Variants in VWF observed in about 807,000 individuals in gnomAD.
VWF encodes Factor VIII related antigen.
VWF carries 176 observed loss-of-function variants against 308.6 expected under a neutral mutation model. The observed-to-expected ratio is 0.57, with a 90% CI of 0.50 to 0.65. VWF has a LOEUF of 0.65. Ranked by LOEUF, VWF falls within the 30% of genes least tolerant of loss-of-function variation. The probability of loss-of-function intolerance (pLI) is 0.00; values close to 1 mark genes in which losing one functional copy is unlikely to be tolerated. For synonymous variants in VWF, 1,385 were observed against 1,443.4 expected (o/e 0.96, Z 0.92); for missense variants, 3,146 against 3,648.2 (o/e 0.86, Z 3.55).
At chr12:6,089,144 CT>C (rs1419941908) in intron 6 of VWF, among the ~76,000 whole-genome samples, 1 of 152,178 alleles carries the variant, frequency 6.6e-6, no homozygotes, top group Non-Finnish European at 1.5e-5. Flanking sequence ...CCAGACCGGA[CT>C]TCTGAACCTG....
At position 6,009,692 on chromosome 12, in the gene VWF, C is replaced by G. The variant is rs536910701; in HGVS notation, c.5842+1925G>C. Among the ~76,000 whole-genome samples, 4 of 152,310 alleles carry G rather than the reference C, an allele frequency of 2.6e-5. No individual in the cohort carries two copies. In the South Asian group the frequency reaches 8.3e-4, roughly 32 times the overall value. ...TTATACACTTCCACATTCACTGCAA[C>G]ATTATTCACAATAGCCAAGAGTTAG... On this transcript the variant is annotated intron_variant, in intron 34 of 51. Transcript: ENST00000261405.
intron 47 of VWF, among the ~76,000 whole-genome samples, chr12:5,957,208 C>G (rs1943261500): frequency 6.6e-6 from 1 of 152,186 alleles, no homozygotes; most frequent in Non-Finnish European, 1.5e-5. Flanking sequence ...ACCATACCAT[C>G]TGGATTTGCG....
chr12:6,101,036 GATA>G (rs1174515073), intron 5 of VWF, among the ~76,000 whole-genome samples: 1 of 152,000 alleles, frequency 6.6e-6, no homozygotes, highest in Admixed American at 6.6e-5. Context: ...AAAAGAACAA[GATA>G]ATAAGAAAAA....
At chr12:6,107,003 A>G (rs1945252696) in intron 5 of VWF, among the ~76,000 whole-genome samples, 1 of 152,172 alleles carries the variant, frequency 6.6e-6, no homozygotes, top group Non-Finnish European at 1.5e-5. Context: ...ATAATTTTCC[A>G]TAATTGGAAA....
chr12:6,001,019 G>A (rs1259157159), intron 34 of VWF, among the ~76,000 whole-genome samples: 1 of 152,082 alleles, frequency 6.6e-6, no homozygotes, highest in East Asian at 1.9e-4. Context: ...TGGGAGGAGA[G>A]GGGAGGGAAC....
At position 6,013,635 on chromosome 12, in the gene VWF, C is replaced by G; in HGVS notation, c.5466G>C (p.Val1822=). 1.2e-6 allele frequency: 2 copies of G among 1,613,112 alleles called. No individual in the cohort carries two copies. Among genetic ancestry groups the G allele is most frequent in the Non-Finnish European group, 1.7e-6 (2 of 1,179,862 alleles). ...ADAARSNRVT[V]FPIGIGDRYD... is the part of the protein sequence containing the mutation. Reference sequence around the variant, plus strand: ...AGCGATCTCCAATTCCAATAGGGAACACTGTCACTCCTAGAGTTAGCAAAG... The same window carrying G: ...AGCGATCTCCAATTCCAATAGGGAAGACTGTCACTCCTAGAGTTAGCAAAG... Residue 1822 remains valine (V), a synonymous_variant, in exon 32 of 52, where the codon GTG becomes GTC. Transcript: ENST00000261405.
In VWF at chr12:5,953,608, G is replaced by T; in HGVS notation, c.7888-14C>A. On this transcript the variant is annotated splice_polypyrimidine_tract_variant and intron_variant, in intron 47 of 51. Transcript: ENST00000261405. ...TTCCTTGTAACCCTGCATCCAGAGG[G>T]GGAAAAAGCAGCCATAGTTAACCTC... is the stretch of plus-strand genomic sequence containing the variant. 1 of 1,610,440 alleles carries T rather than the reference G, an allele frequency of 6.2e-7. No homozygotes were observed. The highest frequency in any genetic ancestry group is 8.5e-7 in the Non-Finnish European group (1 of 1,176,664).
chr12:6,120,620 T>C (rs1322977826), intron 3 of VWF, among the ~76,000 whole-genome samples: 1 of 152,092 alleles, frequency 6.6e-6, no homozygotes, highest in Admixed American at 6.6e-5. Context: ...CACCTTTTAT[T>C]GTCTGTCAGG....
chr12:6,004,447 A>C (rs1943905494), intron 34 of VWF, among the ~76,000 whole-genome samples: 1 of 152,150 alleles, frequency 6.6e-6, no homozygotes, highest in African/African-American at 2.4e-5. Context: ...AATACATGAT[A>C]TGTGTGTGCA....
chr12:6,072,675 AGGCACAAGTC>A, intron 8 of VWF, among the ~76,000 whole-genome samples: 1 of 152,274 alleles, frequency 6.6e-6, no homozygotes. Flanking sequence ...CCAGTAGGGG[AGGCACAAGTC>A]TGGGCTTAGG....
intron 5 of VWF, among the ~76,000 whole-genome samples, chr12:6,104,407 G>C (rs565971688): frequency 2.5e-3 from 376 of 151,890 alleles, no homozygotes; most frequent in African/African-American, 8.7e-3. Context: ...AAATAGGACT[G>C]CCAGGCGCGG....
intron 28 of VWF, among the ~76,000 whole-genome samples, 168 bp downstream of exon 28, chr12:6,018,197 A>G (rs936616869): frequency 4.6e-5 from 7 of 152,194 alleles, no homozygotes; most frequent in African/African-American, 1.7e-4. Flanking sequence ...TCTCCCTGCC[A>G]GGGAGGTGAG....
intron 34 of VWF, among the ~76,000 whole-genome samples, chr12:6,009,440 C>CAT (rs1164843355): frequency 6.6e-6 from 1 of 151,640 alleles, no homozygotes; most frequent in Admixed American, 6.6e-5. Context: ...CACACACACA[C>CAT]ACACACACAC....
At chr12:5,951,805 G>A (rs1591828059) in intron 50 of VWF, 39 bp downstream of exon 50, 1 of 1,612,998 alleles carries the variant, frequency 6.2e-7, no homozygotes, top group Non-Finnish European at 8.5e-7. Context: ...GACTTGCTCT[G>A]ATGGGTTTCA....
chr12:5,950,929 G>C (rs1943183542), intron 50 of VWF, among the ~76,000 whole-genome samples: 1 of 152,174 alleles, frequency 6.6e-6, no homozygotes, highest in Admixed American at 6.5e-5. Context: ...CATGCTTTCA[G>C]AGTGCTTCCT....
chr12:6,082,376 C>T (rs189042297), intron 6 of VWF, among the ~76,000 whole-genome samples: 3 of 151,948 alleles, frequency 2.0e-5, no homozygotes, highest in Admixed American at 1.3e-4. Context: ...GAGTTATGAC[C>T]CACATAAACA....
chr12:6,049,519 A>G (rs1164089591), intron 16 of VWF, among the ~76,000 whole-genome samples: 3 of 152,178 alleles, frequency 2.0e-5, no homozygotes, highest in Non-Finnish European at 4.4e-5. Context: ...CTCTATCCTT[A>G]CCACTGAAAC....
intron 3 of VWF, among the ~76,000 whole-genome samples, chr12:6,111,314 A>G (rs140623806): frequency 1.8e-3 from 278 of 152,324 alleles, no homozygotes; most frequent in Non-Finnish European, 3.2e-3. Flanking sequence ...GGCAGCAAAC[A>G]AAAAGGCAAC....
At chr12:5,961,059 A>C (rs1301728021) in intron 47 of VWF, among the ~76,000 whole-genome samples, 1 of 152,160 alleles carries the variant, frequency 6.6e-6, no homozygotes, top group African/African-American at 2.4e-5. Flanking sequence ...TGCACATGTG[A>C]GGGATCCAGG....
Sources: allele counts gnomAD v4.1 joint callset (sites outside exome capture counted in the v4.1 genomes callset), GRCh38; gene constraint gnomAD v4.1.1; transcripts MANE v1.5; gene names NCBI Gene and HGNC (gene_info 2026-07-23, HGNC 2026-07-21).